The following CLNK variants were observed in gnomAD, a reference collection of about 807,000 sequenced individuals.
The protein encoded by CLNK is cytokine-dependent hematopoietic cell linker.
In CLNK, 74 loss-of-function variants were observed where a neutral mutation model predicts 68.6. The ratio of observed to expected loss-of-function variants is 1.08; its 90% CI spans 0.89 to 1.31. The LOEUF (loss-of-function observed/expected upper bound fraction) is 1.31. Ranked by LOEUF, CLNK falls within the 50% of genes most tolerant of loss-of-function variation. CLNK has a pLI of 0.00. For missense variants in CLNK, 553 were observed against 515.3 expected, an observed-to-expected ratio of 1.07 and a Z score of -0.71; for synonymous variants, 198 against 172.2, an observed-to-expected ratio of 1.15 and a Z score of -1.17.
chr4:10,607,797 A>G (rs1721844345), intron 2 of CLNK, among the ~76,000 whole-genome samples: 1 of 152,204 alleles, frequency 6.6e-6, no homozygotes, highest in African/African-American at 2.4e-5. Context: ...TGGCTGTGTG[A>G]TTCAGATTTG....
Position 10,544,896 on chromosome 4 carries a change from C to T in CLNK, c.446-2616G>A, listed in dbSNP as rs116292027. Among the ~76,000 whole-genome samples the T allele has an allele frequency of 2.4e-3, 370 of 152,108 alleles. 5 individuals carry two copies. Among genetic ancestry groups the T allele is most frequent in the Middle Eastern group, 0.01 (3 of 294 alleles). On this transcript the variant is annotated intron_variant, in intron 8 of 18. Coordinates refer to ENST00000226951, the MANE Select transcript of CLNK (RefSeq NM_052964.4). Reference sequence around the variant, plus strand: ...CTGTGCTAATGTGCTAGCTCAGGTCCCTCTTCCTTTCCTCATAAAGCCACC... The same window carrying T: ...CTGTGCTAATGTGCTAGCTCAGGTCTCTCTTCCTTTCCTCATAAAGCCACC...
intron 1 of CLNK, among the ~76,000 whole-genome samples, chr4:10,668,640 G>T (rs750969271): frequency 6.6e-6 from 1 of 152,180 alleles, no homozygotes; most frequent in African/African-American, 2.4e-5. Flanking sequence ...GAAGTATCTG[G>T]GAGTGGTAAC....
intron 11 of CLNK, among the ~76,000 whole-genome samples, chr4:10,533,150 C>G (rs534741500): frequency 1.3e-5 from 2 of 152,034 alleles, no homozygotes; most frequent in East Asian, 1.9e-4. Context: ...CCCAGCTACT[C>G]GGGAGGCTGA....
intron 2 of CLNK, among the ~76,000 whole-genome samples, chr4:10,638,864 T>C (rs552010510): frequency 7.2e-4 from 110 of 152,234 alleles, no homozygotes; most frequent in Non-Finnish European, 1.2e-3. Context: ...TCTGTGTTTT[T>C]ACATGGTCCC....
At chr4:10,715,033 T>G in the CLNK span, among the ~76,000 whole-genome samples, 4 of 152,208 alleles carry the variant, frequency 2.6e-5, no homozygotes, top group Non-Finnish European at 4.4e-5. Flanking sequence ...TTTTTATGAC[T>G]ATATTTTATT....
chr4:10,714,215 G>C, the CLNK span, among the ~76,000 whole-genome samples: 1 of 152,142 alleles, frequency 6.6e-6, no homozygotes, highest in East Asian at 1.9e-4. Flanking sequence ...TTGTGATTTT[G>C]CTATTTAAAT....
intron 3 of CLNK, among the ~76,000 whole-genome samples, chr4:10,590,574 G>A (rs977872863): frequency 4.6e-5 from 7 of 152,146 alleles, no homozygotes; most frequent in African/African-American, 1.7e-4. Context: ...ATTTCACACT[G>A]CCAGCCTTCT....
At chr4:10,503,050 C>T (rs371632032) in intron 17 of CLNK, among the ~76,000 whole-genome samples, 6 of 152,136 alleles carry the variant, frequency 3.9e-5, no homozygotes. Context: ...TCCTCCTGAA[C>T]GTGAACACAT....
the CLNK span, among the ~76,000 whole-genome samples, chr4:10,696,416 T>C: frequency 1.3e-5 from 2 of 152,338 alleles, no homozygotes; most frequent in Non-Finnish European, 2.9e-5. Flanking sequence ...GCTGCAGCAC[T>C]GAGCAACCCA....
chr4:10,498,553 A>G (rs1577087200), intron 18 of CLNK, among the ~76,000 whole-genome samples: 1 of 152,356 alleles, frequency 6.6e-6, no homozygotes, highest in East Asian at 1.9e-4. Flanking sequence ...GAGAAATTCT[A>G]TAAGCTGAGA....
At chr4:10,557,506 T>G (rs138770413) in intron 8 of CLNK, among the ~76,000 whole-genome samples, 1 of 152,282 alleles carries the variant, frequency 6.6e-6, no homozygotes, top group East Asian at 1.9e-4. Context: ...GGTGTGCTCC[T>G]TGTAGTTTTC....
At chr4:10,502,370 C>CTCACTAGAACAGCATGGGGG (rs1717091969) in intron 17 of CLNK, among the ~76,000 whole-genome samples, 2 of 152,016 alleles carry the variant, frequency 1.3e-5, no homozygotes, top group Admixed American at 6.6e-5. Context: ...TGAGAACTCA[C>CTCACTAGAACAGCATGGGGG]TCACTAGAAC....
the CLNK span, among the ~76,000 whole-genome samples, chr4:10,727,261 T>C: frequency 6.6e-6 from 1 of 152,192 alleles, no homozygotes; most frequent in Admixed American, 6.5e-5. Flanking sequence ...CTTAAGGACA[T>C]GAGTAGGAGG....
intron 16 of CLNK, 83 bp from the exon 17 acceptor site, chr4:10,508,119 G>T: frequency 9.4e-7 from 1 of 1,061,916 alleles, no homozygotes; most frequent in South Asian, 1.5e-5. Flanking sequence ...ATTTACTTTT[G>T]CTCCACCAGT....
intron 15 of CLNK, among the ~76,000 whole-genome samples, chr4:10,519,267 A>G (rs948142492): frequency 2.0e-5 from 3 of 152,172 alleles, no homozygotes; most frequent in African/African-American, 7.2e-5. Flanking sequence ...TGTGAAGGCC[A>G]TTTCCATCAC....
At chr4:10,656,575 T>G (rs11737643) in intron 2 of CLNK, 2 of 151,852 alleles carry the variant, frequency 1.3e-5, no homozygotes, top group Non-Finnish European at 2.9e-5. Flanking sequence ...AGTCATGAAG[T>G]AACTGGGTCA....
In CLNK at chr4:10,488,902, A is replaced by G. The variant is rs946032946; in HGVS notation, c.*1565T>C. On this transcript the variant is annotated 3_prime_UTR_variant, in exon 19 of 19. Coordinates refer to ENST00000226951, the MANE Select transcript of CLNK (RefSeq NM_052964.4). ...AATGCTACAATTACATAAATACTCT[A>G]TGAATTTCCTTTGTAAGCTTTGGTA... 2.0e-5 allele frequency: 3 copies of G among 152,200 alleles called. No individual in the cohort carries two copies. The highest frequency in any genetic ancestry group is 6.5e-5 in the Admixed American group (1 of 15,274). 9.4% of individuals were successfully genotyped at this position (152,200 alleles called of 1,614,324 possible).
chr4:10,721,888 T>G, the CLNK span, among the ~76,000 whole-genome samples: 1 of 152,088 alleles, frequency 6.6e-6, no homozygotes, highest in Non-Finnish European at 1.5e-5. Flanking sequence ...CATAAAAATA[T>G]GAATAAACAG....
intron 2 of CLNK, among the ~76,000 whole-genome samples, chr4:10,663,034 A>G (rs1027793880): frequency 1.3e-5 from 2 of 152,218 alleles, no homozygotes; most frequent in Admixed American, 6.5e-5. Flanking sequence ...GGCTTACTGG[A>G]AAGAGCCCAG....
Sources: allele counts gnomAD v4.1 joint callset (sites outside exome capture counted in the v4.1 genomes callset), GRCh38; gene constraint gnomAD v4.1.1; transcripts MANE v1.5; gene names NCBI Gene and HGNC (gene_info 2026-07-23, HGNC 2026-07-21).